GLRB: variants seen among roughly 807,000 people sequenced by gnomAD.
GLRB encodes the protein glycine receptor subunit beta.
GLRB carries 33 observed loss-of-function variants against 54.2 expected under a neutral mutation model. That is an observed-to-expected ratio of 0.61 (90% CI 0.46 to 0.81). The LOEUF is 0.81. GLRB is among the 40% of genes least tolerant of loss of function. The pLI, the probability that GLRB is intolerant of heterozygous loss-of-function variation, is 0.00. For synonymous variants in GLRB, 209 were observed against 208.2 expected (o/e 1.00, Z -0.03); for missense variants, 572 against 584.6 (o/e 0.98, Z 0.22).
intron 8 of GLRB, among the ~76,000 whole-genome samples, chr4:157,147,286 A>C (rs2126591230): frequency 6.6e-6 from 1 of 152,356 alleles, no homozygotes; most frequent in East Asian, 1.9e-4. Context: ...CTAAAAGTCA[A>C]GTGAACAAAG....
chr4:157,117,864 G>A (rs142718973), intron 2 of GLRB, among the ~76,000 whole-genome samples: 9 of 151,718 alleles, frequency 5.9e-5, no homozygotes, highest in African/African-American at 1.7e-4. Context: ...TAATATACTC[G>A]TAGATAAGAA....
At chr4:157,126,697 A>G (rs760119971) in intron 4 of GLRB, among the ~76,000 whole-genome samples, 1 of 151,836 alleles carries the variant, frequency 6.6e-6, no homozygotes, top group Non-Finnish European at 1.5e-5. Context: ...TGCTTACAAT[A>G]TTTGTTGAGT....
intron 1 of GLRB, among the ~76,000 whole-genome samples, chr4:157,076,850 C>A (rs957356106): frequency 6.6e-6 from 1 of 150,950 alleles, no homozygotes; most frequent in African/African-American, 2.4e-5. Flanking sequence ...AGAGGAGAAC[C>A]TTGTGTTGTT....
Position 157,077,296 on chromosome 4 carries a change from G to T in GLRB, c.-29-700G>T, listed in dbSNP as rs573702168. Among the ~76,000 whole-genome samples the T allele has an allele frequency of 2.0e-5, 3 of 152,154 alleles. No individual in the cohort carries two copies. In the East Asian group the frequency reaches 5.8e-4, roughly 29 times the overall value. On this transcript the variant is annotated intron_variant, in intron 1 of 9. Coordinates refer to ENST00000264428, the MANE Select transcript of GLRB (RefSeq NM_000824.5). ...AACACTTGTTTTATTTCTTGTTGTAGAATTTCTGAAGTAATCTTTTTGATG... is the reference window on the plus strand; with the variant it reads ...AACACTTGTTTTATTTCTTGTTGTATAATTTCTGAAGTAATCTTTTTGATG...
chr4:157,082,189 C>T (rs1019041004), intron 2 of GLRB, among the ~76,000 whole-genome samples: 4 of 152,178 alleles, frequency 2.6e-5, no homozygotes, highest in Non-Finnish European at 5.9e-5. Flanking sequence ...ACATTTTAAT[C>T]TGATTGTTTC....
chr4:157,091,429 A>G (rs1326499787), intron 2 of GLRB: 1 of 152,230 alleles, frequency 6.6e-6, no homozygotes, highest in Non-Finnish European at 1.5e-5. Flanking sequence ...TAAAACACCA[A>G]CAGTTTTTCC....
intron 2 of GLRB, among the ~76,000 whole-genome samples, chr4:157,080,333 G>GT (rs1734180062): frequency 1.3e-5 from 2 of 151,982 alleles, no homozygotes; most frequent in Non-Finnish European, 2.9e-5. Flanking sequence ...TACATTATAG[G>GT]TTTTTTAAAA....
intron 2 of GLRB, among the ~76,000 whole-genome samples, chr4:157,115,529 C>A (rs762581017): frequency 6.6e-6 from 1 of 151,710 alleles, no homozygotes; most frequent in Non-Finnish European, 1.5e-5. Context: ...CTTGCTGTGT[C>A]TGAAAAGCAG....
chr4:157,143,776 C>T (rs1306370432), intron 7 of GLRB, 31 bp from the exon 8 acceptor site: 3 of 1,602,736 alleles, frequency 1.9e-6, no homozygotes, highest in Non-Finnish European at 2.6e-6. Context: ...GGGTGAAAAC[C>T]TCATGCCTTG....
chr4:157,090,837 G>A (rs1179603104), intron 2 of GLRB, among the ~76,000 whole-genome samples: 1 of 152,118 alleles, frequency 6.6e-6, no homozygotes, highest in East Asian at 1.9e-4. Context: ...TGGAATGTCT[G>A]TGAGTGTTGG....
intron 4 of GLRB, among the ~76,000 whole-genome samples, chr4:157,123,566 A>G (rs934365289): frequency 6.6e-6 from 1 of 151,816 alleles, no homozygotes; most frequent in African/African-American, 2.4e-5. Context: ...GTGACTTTTT[A>G]CATCATTTAA....
At chr4:157,153,670 G>A (rs530427732) in intron 9 of GLRB, among the ~76,000 whole-genome samples, 3 of 152,238 alleles carry the variant, frequency 2.0e-5, no homozygotes, top group African/African-American at 4.8e-5. Flanking sequence ...AAATTTCAAC[G>A]TGCCAGGCTG....
chr4:157,164,512 T>C (rs1737638169), intron 9 of GLRB, among the ~76,000 whole-genome samples: 1 of 152,184 alleles, frequency 6.6e-6, no homozygotes, highest in East Asian at 1.9e-4. Flanking sequence ...AAGGATGCTC[T>C]ATAGAACAGG....
chr4:157,098,917 T>G (rs927321286), intron 2 of GLRB, among the ~76,000 whole-genome samples: 1 of 152,006 alleles, frequency 6.6e-6, no homozygotes, highest in African/African-American at 2.4e-5. Context: ...TGAAAATCAC[T>G]TTTTTCATAA....
rs376273312 is a variant in GLRB at position 157,152,887 on chromosome 4, A to G, written c.1074A>G (p.Lys358=). The change falls in exon 9 of 10, where the codon AAA becomes AAG. Residue 358 remains lysine, a synonymous_variant. Transcript: ENST00000264428. ...TCCAGGTGATGCTGAACAACCCCAA[A>G]AGGGTTGAAGCTGAAAAAGCCAGAA... is the stretch of plus-strand genomic sequence containing the variant. ...AVVQVMLNNP[K]RVEAEKARIA... 55 of 1,613,854 alleles carry G rather than the reference A, an allele frequency of 3.4e-5. No homozygotes were observed. Among genetic ancestry groups the G allele is most frequent in the East Asian group, 4.5e-5 (2 of 44,870 alleles).
intron 4 of GLRB, among the ~76,000 whole-genome samples, chr4:157,133,262 C>T (rs17035723): frequency 0.14 from 21,641 of 151,664 alleles, 1,708 homozygotes; most frequent in East Asian, 0.28. Flanking sequence ...AGAGTATCTC[C>T]TTTAATTCTT....
intron 8 of GLRB, among the ~76,000 whole-genome samples, chr4:157,144,428 G>A (rs1455854368): frequency 1.3e-5 from 2 of 152,090 alleles, no homozygotes; most frequent in African/African-American, 4.8e-5. Flanking sequence ...TGCTATATCA[G>A]GGCTGGTTGC....
chr4:157,161,889 T>G (rs1737510144), intron 9 of GLRB, among the ~76,000 whole-genome samples: 1 of 152,230 alleles, frequency 6.6e-6, no homozygotes, highest in African/African-American at 2.4e-5. Context: ...CCCTGCTAGG[T>G]TGGGGAAGTT....
At chr4:157,080,381 T>C (rs1268106705) in intron 2 of GLRB, among the ~76,000 whole-genome samples, 1 of 152,172 alleles carries the variant, frequency 6.6e-6, no homozygotes, top group Admixed American at 6.5e-5. Context: ...TTAACAGTTG[T>C]GATGTGATGC....
Sources: allele counts gnomAD v4.1 joint callset (sites outside exome capture counted in the v4.1 genomes callset), GRCh38; gene constraint gnomAD v4.1.1; transcripts MANE v1.5; gene names NCBI Gene and HGNC (gene_info 2026-07-23, HGNC 2026-07-21).